FNBP1L: variants seen among roughly 807,000 people sequenced by gnomAD.
FNBP1L encodes the protein formin binding protein 1 like.
In FNBP1L, 36 loss-of-function variants were observed where a neutral mutation model predicts 91.2. That is an observed-to-expected ratio of 0.39 (90% CI 0.30 to 0.52). The LOEUF (loss-of-function observed/expected upper bound fraction) is 0.52, where lower values mean the gene tolerates loss of function less well. Among genes scored for constraint, FNBP1L ranks in the 20% least tolerant of loss-of-function variants. The probability of loss-of-function intolerance (pLI) is 0.66; values close to 1 mark genes in which losing one functional copy is unlikely to be tolerated. For missense variants in FNBP1L, 571 were observed against 732.1 expected (o/e 0.78, Z 2.54); for synonymous variants, 242 against 237.0 (o/e 1.02, Z -0.19).
chr1:93,541,202 A>C, intron 11 of FNBP1L, 146 bp downstream of exon 11: 2 of 687,164 alleles, frequency 2.9e-6, no homozygotes, highest in Non-Finnish European at 4.9e-6. Flanking sequence ...AGTCCAGCAT[A>C]TGCCAGTACT....
In FNBP1L at chr1:93,472,956, ATAG is replaced by A. The variant is rs1413077504; in HGVS notation, c.24+24654_24+24656del. ...GAAGAAATTACTCTTTAGCTTTTTT[ATAG>A]TATAGAAACTGCGTTTTGTATGACT... On this transcript the variant is annotated intron_variant, in intron 1 of 16. Coordinates refer to ENST00000271234, the MANE Select transcript of FNBP1L (RefSeq NM_001164473.3). Among the ~76,000 whole-genome samples the A allele has an allele frequency of 5.4e-5, 8 of 147,892 alleles. No homozygotes were observed. In the Admixed American group the frequency reaches 5.5e-4, roughly 10 times the overall value.
intron 2 of FNBP1L, among the ~76,000 whole-genome samples, chr1:93,510,708 A>G (rs1670803380): frequency 6.6e-6 from 1 of 152,142 alleles, no homozygotes; most frequent in African/African-American, 2.4e-5. Context: ...AAACTTTGAA[A>G]AAAATTTAGA....
intron 1 of FNBP1L, among the ~76,000 whole-genome samples, chr1:93,484,709 A>G (rs569190211): frequency 1.6e-4 from 25 of 152,380 alleles, no homozygotes; most frequent in African/African-American, 6.0e-4. Flanking sequence ...AAGGCTAAAC[A>G]GTATAACATA....
chr1:93,457,289 T>G (rs970453070), intron 1 of FNBP1L, among the ~76,000 whole-genome samples: 3 of 152,222 alleles, frequency 2.0e-5, no homozygotes, highest in African/African-American at 7.2e-5. Flanking sequence ...CCTTCTTCCT[T>G]TTTAACATCT....
intron 2 of FNBP1L, among the ~76,000 whole-genome samples, chr1:93,521,065 C>CAACG (rs1166456714): frequency 6.6e-6 from 1 of 151,292 alleles, no homozygotes; most frequent in Non-Finnish European, 1.5e-5. Flanking sequence ...ACCAACCAAC[C>CAACG]AACCAACCAA....
At position 93,534,862 on chromosome 1, in the gene FNBP1L, T is replaced by C; in HGVS notation, c.944T>C (p.Val315Ala). The change falls in exon 9 of 17, where the codon GTA (valine) becomes GCA (alanine). Residue 315 changes from valine to alanine, a missense_variant. By Grantham distance (64) the Val-to-Ala change is moderately conservative. Around this residue, in one of 5 missense-constraint regions of FNBP1L, gnomAD observed 150 missense variants for 155.9 expected, o/e 0.96. Transcript: ENST00000271234. The part of the protein sequence containing the change: ...ESGKMDAKTT[V>A]GKAKGKLWLF... Reference sequence around the variant, plus strand: ...GGGAAGATGGATGCCAAAACCACAGTAGGAAAGGCCAAGGGCAAATTGTGG... The same window carrying C: ...GGGAAGATGGATGCCAAAACCACAGCAGGAAAGGCCAAGGGCAAATTGTGG... The C allele has an allele frequency of 6.3e-7, 1 of 1,580,034 alleles. No individual in the cohort carries two copies. Among genetic ancestry groups the C allele is most frequent in the East Asian group, 2.3e-5 (1 of 43,392 alleles).
At chr1:93,503,054 A>T (rs764501594) in intron 2 of FNBP1L, among the ~76,000 whole-genome samples, 12 of 152,060 alleles carry the variant, frequency 7.9e-5, no homozygotes, top group Non-Finnish European at 1.6e-4. Context: ...TTTCTTTCAT[A>T]GTGAGGCAGC....
At chr1:93,491,921 G>C (rs983103063) in intron 1 of FNBP1L, among the ~76,000 whole-genome samples, 1 of 152,072 alleles carries the variant, frequency 6.6e-6, no homozygotes. Context: ...TTAAAAAATG[G>C]TATCTAAATA....
chr1:93,489,307 G>A (rs1455514758), intron 1 of FNBP1L, among the ~76,000 whole-genome samples: 1 of 152,032 alleles, frequency 6.6e-6, no homozygotes, highest in Admixed American at 6.6e-5. Flanking sequence ...TAATAATAAT[G>A]ATGTGTTGGG....
intron 15 of FNBP1L, among the ~76,000 whole-genome samples, chr1:93,549,633 C>T (rs944189185): frequency 1.3e-5 from 2 of 152,058 alleles, no homozygotes; most frequent in African/African-American, 4.8e-5. Context: ...GGAAATTGCC[C>T]ACGTTACTAG....
intron 14 of FNBP1L, 112 bp from the exon 15 acceptor site, chr1:93,549,166 G>A: frequency 1.3e-6 from 1 of 755,592 alleles, no homozygotes; most frequent in Non-Finnish European, 1.9e-6. Flanking sequence ...AGTGGAAACT[G>A]TGTCATTAAT....
intron 4 of FNBP1L, among the ~76,000 whole-genome samples, chr1:93,523,852 C>T (rs1418901962): frequency 6.6e-6 from 1 of 152,046 alleles, no homozygotes; most frequent in Non-Finnish European, 1.5e-5. Context: ...TTGGAACAGA[C>T]CCACATTCAT....
At position 93,554,644 on chromosome 1, in the gene FNBP1L, CTT is replaced by C. The variant is rs1176038969; in HGVS notation, c.*2231_*2232del. On this transcript the variant is annotated 3_prime_UTR_variant, in exon 17 of 17. Coordinates refer to ENST00000271234, the MANE Select transcript of FNBP1L (RefSeq NM_001164473.3). ...GAATATTTACATGGAATAAAACAAT[CTT>C]TTCATGGCCTGTTAAGGTGTTTAGT... 6.6e-6 allele frequency: 1 copy of C among 152,424 alleles called. No homozygotes were observed. The highest frequency in any genetic ancestry group is 1.5e-5 in the Non-Finnish European group (1 of 68,014). 9.4% of individuals were successfully genotyped at this position (152,424 alleles called of 1,614,324 possible).
chr1:93,531,073 C>G (rs1341944925), intron 7 of FNBP1L, among the ~76,000 whole-genome samples, 190 bp downstream of exon 7: 1 of 152,118 alleles, frequency 6.6e-6, no homozygotes, highest in African/African-American at 2.4e-5. Flanking sequence ...TCCTACGTAT[C>G]TACTATTAGT....
intron 2 of FNBP1L, among the ~76,000 whole-genome samples, chr1:93,516,311 A>G (rs1671111866): frequency 6.6e-6 from 1 of 152,154 alleles, no homozygotes; most frequent in Admixed American, 6.5e-5. Context: ...GGACCTCTTG[A>G]TCTGCAGTCA....
chr1:93,519,489 A>G (rs1029739493), intron 2 of FNBP1L, among the ~76,000 whole-genome samples: 1 of 152,026 alleles, frequency 6.6e-6, no homozygotes, highest in African/African-American at 2.4e-5. Flanking sequence ...AGAGCCCTCT[A>G]TTGTTCTTAC....
chr1:93,543,967 CTTTTT>C (rs528425418), intron 11 of FNBP1L, 135 bp from the exon 12 acceptor site: 1 of 429,522 alleles, frequency 2.3e-6, no homozygotes, highest in African/African-American at 2.1e-5. Flanking sequence ...GTGTAGATTT[CTTTTT>C]TTTTTAAGGG....
At chr1:93,488,421 C>G (rs1189513699) in intron 1 of FNBP1L, 2 of 152,178 alleles carry the variant, frequency 1.3e-5, no homozygotes, top group Admixed American at 1.3e-4. Context: ...CAGTCAAGAT[C>G]AGATGTGTTC....
chr1:93,547,089 G>T, intron 13 of FNBP1L, 115 bp downstream of exon 13: 1 of 1,236,094 alleles, frequency 8.1e-7, no homozygotes, highest in East Asian at 2.6e-5. Flanking sequence ...TAGGGTTTAT[G>T]ATCTAAAAGT....
Sources: gnomAD v4.1 joint callset for allele counts (sites outside exome capture counted in the v4.1 genomes callset) on GRCh38, gnomAD v4.1.1 for gene constraint, gnomAD v4.1.1 regional missense constraint, MANE v1.5 for transcripts, NCBI Gene and HGNC (gene_info 2026-07-23, HGNC 2026-07-21) for gene names.